Variants in EGFR observed in about 807,000 individuals in gnomAD.
The protein encoded by EGFR is avian erythroblastic leukemia viral (v-erb-b) oncogene homolog.
In EGFR, 58 loss-of-function variants were observed where a neutral mutation model predicts 143.0. The observed-to-expected ratio is 0.41, with a 90% CI of 0.33 to 0.50. The LOEUF (loss-of-function observed/expected upper bound fraction) is 0.50. EGFR is among the 20% of genes least tolerant of loss of function. The pLI is 0.39. For missense variants in EGFR, 1,307 were observed against 1,579.0 expected, an observed-to-expected ratio of 0.83 and a Z score of 2.92; for synonymous variants, 613 against 594.4, an observed-to-expected ratio of 1.03 and a Z score of -0.45.
intron 1 of EGFR, among the ~76,000 whole-genome samples, chr7:55,059,225 C>T (rs1287694716): frequency 6.6e-6 from 1 of 152,214 alleles, no homozygotes; most frequent in Non-Finnish European, 1.5e-5. Context: ...TCCTTGGCAC[C>T]AGCTGGTATT....
chr7:55,091,258 C>A (rs866625367), intron 1 of EGFR, among the ~76,000 whole-genome samples: 1 of 152,172 alleles, frequency 6.6e-6, no homozygotes, highest in Non-Finnish European at 1.5e-5. Flanking sequence ...TCAGGAAAAG[C>A]GCTACAATGA....
Position 55,201,768 on chromosome 7 carries a change from A to G in EGFR, c.3148A>G (p.Ile1050Val). 1 of 1,614,204 alleles carries G rather than the reference A, an allele frequency of 6.2e-7. No homozygotes were observed. The highest frequency in any genetic ancestry group is 1.1e-5 in the South Asian group (1 of 91,078). Residue 1050 changes from isoleucine (I) to valine (V), a missense_variant, in exon 26 of 28, where the codon ATT becomes GTT. Ile to Val is a conservative substitution (Grantham distance 29, BLOSUM62 3). Around this residue, in one of 7 missense-constraint regions of EGFR, gnomAD observed 313 missense variants for 312.3 expected, o/e 1.00. Transcript: ENST00000275493. ...CAGCAACAATTCCACCGTGGCTTGC[A>G]TTGATAGAAATGGGGTATGTATGAA... ...ATSNNSTVACIDRNGLQSCPI... is the reference protein window; with the variant it reads ...ATSNNSTVACVDRNGLQSCPI...
intron 3 of EGFR, 49 bp from the exon 4 acceptor site, chr7:55,146,557 A>T (rs1349321679): frequency 1.2e-6 from 2 of 1,612,572 alleles, no homozygotes; most frequent in Non-Finnish European, 8.5e-7. Context: ...CTTCATGGGA[A>T]TTTAAAGGAG....
chr7:55,176,872 A>G (rs1786616370), intron 19 of EGFR, among the ~76,000 whole-genome samples: 1 of 146,426 alleles, frequency 6.8e-6, no homozygotes, highest in African/African-American at 2.5e-5. Flanking sequence ...AGATTTATAT[A>G]TATTTTATAT....
chr7:55,081,361 CT>C (rs940940128), intron 1 of EGFR, among the ~76,000 whole-genome samples: 1 of 152,182 alleles, frequency 6.6e-6, no homozygotes, highest in Non-Finnish European at 1.5e-5. Context: ...GTAACTGCAT[CT>C]TTTCCTAGAC....
At chr7:55,142,485 AG>A in intron 2 of EGFR, 48 bp downstream of exon 2, 1 of 1,607,378 alleles carries the variant, frequency 6.2e-7, no homozygotes, top group Non-Finnish European at 8.5e-7. Flanking sequence ...AGAAAATCTA[AG>A]TGGAGAAAGG....
In EGFR at chr7:55,209,367, C is replaced by T. The variant is rs890609820; in HGVS notation, c.*3750C>T. The T allele has an allele frequency of 1.1e-4, 16 of 152,252 alleles. No individual in the cohort carries two copies. In the East Asian group the frequency reaches 2.9e-3, roughly 28 times the overall value. The allele number at this position is 152,252 out of a possible 1,614,324, so 9.4% of individuals were successfully genotyped here. On this transcript the variant is annotated 3_prime_UTR_variant, in exon 28 of 28. Coordinates refer to ENST00000275493, the MANE Select transcript of EGFR (RefSeq NM_005228.5). ...CCTGAGACTTGGCTCATTTCAAAAGCGTTCAATTCATCCTCACCAGCAGTT... is the reference window on the plus strand; with the variant it reads ...CCTGAGACTTGGCTCATTTCAAAAGTGTTCAATTCATCCTCACCAGCAGTT...
intron 1 of EGFR, among the ~76,000 whole-genome samples, chr7:55,047,028 A>G (rs75546857): frequency 0.027 from 4,190 of 152,372 alleles, 119 homozygotes; most frequent in African/African-American, 0.067. Context: ...ATTTATAACT[A>G]GTCTATTTCC....
rs1791327472 is a variant in EGFR at position 55,094,546 on chromosome 7, A to G, written c.89-47740A>G. Among the ~76,000 whole-genome samples the G allele has an allele frequency of 3.9e-5, 6 of 152,336 alleles. No homozygotes were observed. The South Asian group carries it at 1.2e-3, about 32-fold the overall frequency. On this transcript the variant is annotated intron_variant, in intron 1 of 27. Transcript: ENST00000275493. ...AGGTGACCTCAGAGGAGGGAGTGAG[A>G]ACATCTGGGTCATGGGTTTCTACTA...
rs1348155194 is a variant in EGFR, at chr7:55,208,647, C to T, written c.*3030C>T. ...TCTAAACTCTATATTCGCTGTGAGT[C>T]CAGGTTGTAAGGGGGAGCACTGTGG... On this transcript the variant is annotated 3_prime_UTR_variant, in exon 28 of 28. Coordinates refer to ENST00000275493, the MANE Select transcript of EGFR (RefSeq NM_005228.5). 1 of 152,132 alleles carries T rather than the reference C, an allele frequency of 6.6e-6. No individual in the cohort carries two copies. The highest frequency in any genetic ancestry group is 2.4e-5 in the African/African-American group (1 of 41,416). The allele number at this position is 152,132 out of a possible 1,614,324, so 9.4% of individuals were successfully genotyped here. A position where few individuals can be genotyped will look rare whatever the true frequency, so the allele number is the denominator to read the frequency against.
At chr7:55,187,379 G>C (rs540554171) in intron 20 of EGFR, among the ~76,000 whole-genome samples, 1 of 152,150 alleles carries the variant, frequency 6.6e-6, no homozygotes. Context: ...CGGTGTTTAC[G>C]TCACTTGCCA....
intron 1 of EGFR, among the ~76,000 whole-genome samples, chr7:55,051,881 TCC>T (rs1350458654): frequency 1.3e-5 from 2 of 152,248 alleles, no homozygotes; most frequent in Admixed American, 1.3e-4. Context: ...CCTGGAAAAC[TCC>T]CCCCACAAAT....
intron 1 of EGFR, among the ~76,000 whole-genome samples, chr7:55,028,873 T>C (rs536935969): frequency 1.1e-4 from 17 of 152,310 alleles, no homozygotes; most frequent in African/African-American, 4.1e-4. Context: ...AAACAAAAGA[T>C]GGTTGGCTGG....
intron 5 of EGFR, chr7:55,152,345 T>A (rs1785199022): frequency 1.3e-6 from 1 of 758,316 alleles, no homozygotes; most frequent in African/African-American, 1.7e-5. Context: ...TCATGAGTTC[T>A]CTTAAGTGAT....
intron 3 of EGFR, among the ~76,000 whole-genome samples, chr7:55,144,273 A>G (rs1052988654): frequency 6.6e-6 from 1 of 152,214 alleles, no homozygotes; most frequent in African/African-American, 2.4e-5. Flanking sequence ...TTGCCTTCAC[A>G]CCATGGCAAA....
intron 1 of EGFR, among the ~76,000 whole-genome samples, chr7:55,034,910 G>C (rs760554496): frequency 6.6e-5 from 10 of 152,196 alleles, no homozygotes; most frequent in Non-Finnish European, 1.3e-4. Context: ...TAAACAGTGA[G>C]AGGATTTAAT....
At chr7:55,127,425 T>C (rs1793593793) in intron 1 of EGFR, among the ~76,000 whole-genome samples, 1 of 152,202 alleles carries the variant, frequency 6.6e-6, no homozygotes, top group Non-Finnish European at 1.5e-5. Flanking sequence ...GAGGCATCTA[T>C]ATCCTTACTC....
chr7:55,086,436 A>G (rs1454517725), intron 1 of EGFR, among the ~76,000 whole-genome samples: 1 of 152,276 alleles, frequency 6.6e-6, no homozygotes, highest in African/African-American at 2.4e-5. Context: ...CTTTTCTGTG[A>G]GTCAATTCTT....
At chr7:55,142,586 C>T (rs976168119) in intron 2 of EGFR, 149 bp downstream of exon 2, 1 of 947,108 alleles carries the variant, frequency 1.1e-6, no homozygotes. Flanking sequence ...TATGAGAAAG[C>T]CATTTTACCA....
Sources: allele counts gnomAD v4.1 joint callset (sites outside exome capture counted in the v4.1 genomes callset), GRCh38; gene constraint gnomAD v4.1.1; regional missense constraint gnomAD v4.1.1; transcripts MANE v1.5; gene names NCBI Gene and HGNC (gene_info 2026-07-23, HGNC 2026-07-21).